FER1L6: variants seen among roughly 807,000 people sequenced by gnomAD.
FER1L6 encodes the protein fer-1-like protein 6.
A neutral mutation model predicts 219.2 loss-of-function variants in FER1L6; 177 were observed. That is an observed-to-expected ratio of 0.81 (90% CI 0.71 to 0.91). The LOEUF (loss-of-function observed/expected upper bound fraction) is 0.91. Among genes scored for constraint, FER1L6 ranks in the 40% least tolerant of loss-of-function variants. The pLI is 0.00. For missense variants in FER1L6, 2,153 were observed against 2,259.9 expected, an observed-to-expected ratio of 0.95 and a Z score of 0.96; for synonymous variants, 768 against 824.3, an observed-to-expected ratio of 0.93 and a Z score of 1.17.
intron 1 of FER1L6, among the ~76,000 whole-genome samples, chr8:123,873,669 G>A (rs1258788771): frequency 6.6e-6 from 1 of 152,104 alleles, no homozygotes; most frequent in Non-Finnish European, 1.5e-5. Context: ...TTCACTCTTT[G>A]AAGATGTGGG....
chr8:123,860,051 A>G (rs1816718952), intron 1 of FER1L6, among the ~76,000 whole-genome samples: 1 of 144,066 alleles, frequency 6.9e-6, no homozygotes, highest in Non-Finnish European at 1.5e-5. Flanking sequence ...ACATATGTAT[A>G]CATGTGCCAT....
intron 1 of FER1L6, among the ~76,000 whole-genome samples, chr8:123,876,912 A>G (rs1817013258): frequency 6.6e-6 from 1 of 152,222 alleles, no homozygotes. Context: ...CACAGAGTAC[A>G]TGTTACTTCC....
At chr8:124,030,319 A>T (rs1309678949) in intron 18 of FER1L6, among the ~76,000 whole-genome samples, 1 of 152,182 alleles carries the variant, frequency 6.6e-6, no homozygotes, top group African/African-American at 2.4e-5. Flanking sequence ...ACAGCAATGA[A>T]GGTTTTGCGG....
In FER1L6 at chr8:123,980,701, T is replaced by G; in HGVS notation, c.1300T>G (p.Ser434Ala). Residue 434 changes from serine to alanine, a missense_variant, in exon 11 of 41, where the codon TCC (serine) becomes GCC (alanine). Physicochemically the swap from Ser to Ala is moderately conservative, Grantham distance 99 (BLOSUM62 1). Transcript: ENST00000522917. ...LPSKDKDSKS[S>A]KGKDKADKTE... Reference sequence around the variant, plus strand: ...TTCCAAGGACAAAGACTCCAAATCTTCCAAAGGTAAAGACAAGGCTGACAA... The same window carrying G: ...TTCCAAGGACAAAGACTCCAAATCTGCCAAAGGTAAAGACAAGGCTGACAA... The G allele has an allele frequency of 6.2e-7, 1 of 1,614,050 alleles. No individual in the cohort carries two copies. Among genetic ancestry groups the G allele is most frequent in the African/African-American group, 1.3e-5 (1 of 74,988 alleles).
At chr8:123,972,484 A>G (rs1815862015) in intron 6 of FER1L6, among the ~76,000 whole-genome samples, 1 of 152,236 alleles carries the variant, frequency 6.6e-6, no homozygotes, top group Non-Finnish European at 1.5e-5. Context: ...TATAACTTCC[A>G]ACTGGTGCCA....
intron 1 of FER1L6, among the ~76,000 whole-genome samples, chr8:123,898,781 G>GTGTATATATACGTATATACATATATACA (rs1812802763): frequency 3.7e-5 from 5 of 135,842 alleles, no homozygotes; most frequent in Non-Finnish European, 7.7e-5. Flanking sequence ...GTATATATAC[G>GTGTATATATACGTATATACATATATACA]TATGTACATA....
Position 124,015,607 on chromosome 8 carries a change from A to ATATATATATATATATG in FER1L6, c.1923-2012_1923-2011insATATATGTATATATAT, listed in dbSNP as rs71289634. ...TATATATATATATATATATATATATATATATATATTACTCCTGCTGTGAGC... is the reference window on the plus strand; with the variant it reads ...TATATATATATATATATATATATATATATATATATATATATGTATATATATTACTCCTGCTGTGAGC... On this transcript the variant is annotated intron_variant, in intron 15 of 40. Transcript: ENST00000522917. 4.9e-3 allele frequency among the ~76,000 whole-genome samples: 433 copies of ATATATATATATATATG among 88,558 alleles called. 37 individuals carry two copies. Among genetic ancestry groups the ATATATATATATATATG allele is most frequent in the Non-Finnish European group, 6.2e-3 (276 of 44,450 alleles). The allele number at this position is 88,558 out of a possible 152,430, so 58.1% of individuals were successfully genotyped here. A position where few individuals can be genotyped will look rare whatever the true frequency, so the allele number is the denominator to read the frequency against.
intron 12 of FER1L6, among the ~76,000 whole-genome samples, chr8:124,000,535 C>A (rs2130485479): frequency 6.6e-6 from 1 of 152,278 alleles, no homozygotes; most frequent in African/African-American, 2.4e-5. Flanking sequence ...ACTTGGATTC[C>A]TAATCCTGGT....
intron 1 of FER1L6, among the ~76,000 whole-genome samples, chr8:123,953,006 C>A (rs1356097108): frequency 6.6e-6 from 1 of 152,148 alleles, no homozygotes; most frequent in Admixed American, 6.5e-5. Flanking sequence ...AATTCTAGAG[C>A]TAACAATGAA....
intron 1 of FER1L6, among the ~76,000 whole-genome samples, chr8:123,868,631 C>T (rs1438043281): frequency 1.3e-5 from 2 of 152,150 alleles, no homozygotes; most frequent in African/African-American, 4.8e-5. Context: ...CTTCCTTCTC[C>T]AAGCAGCCCT....
chr8:124,071,400 C>G (rs1821064024), intron 30 of FER1L6, 106 bp from the exon 31 acceptor site: 1 of 1,464,878 alleles, frequency 6.8e-7, no homozygotes, highest in African/African-American at 1.4e-5. Context: ...AAACCAGGTC[C>G]TGCAAATTCC....
intron 2 of FER1L6, among the ~76,000 whole-genome samples, chr8:123,961,880 CTTTTTTTT>C (rs1295109025): frequency 3.9e-5 from 5 of 129,172 alleles, no homozygotes; most frequent in East Asian, 2.2e-4. Context: ...TGTTTGTTTT[CTTTTTTTT>C]TTTTTTTTTT....
At chr8:123,973,323 G>A in intron 6 of FER1L6, 111 bp from the exon 7 acceptor site, 1 of 824,096 alleles carries the variant, frequency 1.2e-6, no homozygotes, top group Non-Finnish European at 2.1e-6. Context: ...CAGCCTTGTG[G>A]TTTGATGGCC....
chr8:123,879,475 C>T (rs1296064163), intron 1 of FER1L6, among the ~76,000 whole-genome samples: 8 of 152,006 alleles, frequency 5.3e-5, no homozygotes, highest in Non-Finnish European at 7.4e-5. Flanking sequence ...TACAGGCGCC[C>T]ACCACCATGC....
chr8:124,109,143 A>G (rs1370141751), intron 39 of FER1L6, among the ~76,000 whole-genome samples: 1 of 151,810 alleles, frequency 6.6e-6, no homozygotes, highest in Non-Finnish European at 1.5e-5. Flanking sequence ...GAGCTCCTTG[A>G]GAGAGAGATA....
intron 1 of FER1L6, among the ~76,000 whole-genome samples, chr8:123,923,428 ACT>A (rs1239755994): frequency 1.3e-5 from 2 of 151,988 alleles, no homozygotes; most frequent in African/African-American, 2.4e-5. Flanking sequence ...AAAACAGTTG[ACT>A]CTAAGCAACT....
At chr8:123,884,259 C>G (rs541074920) in intron 1 of FER1L6, among the ~76,000 whole-genome samples, 4 of 152,332 alleles carry the variant, frequency 2.6e-5, no homozygotes, top group East Asian at 1.9e-4. Context: ...TATTATCCCT[C>G]TAAATGGTCC....
chr8:124,068,799 C>A (rs2130860117), intron 28 of FER1L6, among the ~76,000 whole-genome samples: 1 of 152,228 alleles, frequency 6.6e-6, no homozygotes, highest in East Asian at 1.9e-4. Flanking sequence ...ATTGCTCAGC[C>A]CTAGGGGATC....
At chr8:124,014,444 GGT>G (rs1476642268) in intron 15 of FER1L6, 3 of 152,870 alleles carry the variant, frequency 2.0e-5, no homozygotes, top group Non-Finnish European at 2.9e-5. Context: ...GGTCTTTCCT[GGT>G]TATTTGATGA....
Sources: gnomAD v4.1 joint callset for allele counts (sites outside exome capture counted in the v4.1 genomes callset) on GRCh38, gnomAD v4.1.1 for gene constraint, MANE v1.5 for transcripts, NCBI Gene and HGNC (gene_info 2026-07-23, HGNC 2026-07-21) for gene names.